APTX: variants seen among roughly 807,000 people sequenced by gnomAD.
The protein encoded by APTX is aprataxin.
In APTX, 33 loss-of-function variants were observed where a neutral mutation model predicts 42.3. The observed-to-expected ratio is 0.78, with a 90% CI of 0.59 to 1.04. The LOEUF (loss-of-function observed/expected upper bound fraction) is 1.04, where lower values mean the gene tolerates loss of function less well. Ranked by LOEUF, APTX falls within the 50% of genes least tolerant of loss-of-function variation. APTX has a pLI of 0.00. For synonymous variants in APTX, 130 were observed against 146.7 expected (o/e 0.89, Z 0.82); for missense variants, 421 against 415.1 (o/e 1.01, Z -0.12).
chr9:33,017,145 G>T (rs1837959375), intron 1 of APTX, among the ~76,000 whole-genome samples: 1 of 152,126 alleles, frequency 6.6e-6, no homozygotes, highest in African/African-American at 2.4e-5. Context: ...ATTCAGTGTG[G>T]ACACTAATTA....
rs900940964 is a variant in APTX, at chr9:32,974,520, G to C, written c.812C>G (p.Pro271Arg). 1 of 1,612,232 alleles carries C rather than the reference G, an allele frequency of 6.2e-7. No homozygotes were observed. The highest frequency in any genetic ancestry group is 8.5e-7 in the Non-Finnish European group (1 of 1,179,406). ...LHVISQDFDS[P>R]CLKNKKHWNS... ...CCAATGTTTTTTGTTTTTAAGGCAAGGAGAATCAAAATCCTGGCTGATCAC... is the reference window on the plus strand; with the variant it reads ...CCAATGTTTTTTGTTTTTAAGGCAACGAGAATCAAAATCCTGGCTGATCAC... The change falls in exon 7 of 8, where the codon CCT (proline) becomes CGT (arginine). Residue 271 changes from proline to arginine, a missense_variant. Pro to Arg is a moderately radical substitution (Grantham distance 103, BLOSUM62 -2). Coordinates refer to ENST00000379817, the MANE Select transcript of APTX (RefSeq NM_001195248.2).
intron 5 of APTX, among the ~76,000 whole-genome samples, chr9:32,985,236 G>A (rs140991234): frequency 1.3e-4 from 20 of 152,158 alleles, no homozygotes; most frequent in Admixed American, 3.3e-4. Flanking sequence ...ACACGTACAC[G>A]TGGGTTCCAG....
At chr9:32,996,952 G>C (rs1421687393) in intron 1 of APTX, among the ~76,000 whole-genome samples, 1 of 152,166 alleles carries the variant, frequency 6.6e-6, no homozygotes, top group Non-Finnish European at 1.5e-5. Flanking sequence ...TACTTACATG[G>C]TCTCATTTTA....
upstream of APTX, among the ~76,000 whole-genome samples, chr9:33,004,422 A>C (rs572892896): frequency 6.6e-6 from 1 of 152,350 alleles, no homozygotes; most frequent in African/African-American, 2.4e-5. Context: ...AAAGCCACTG[A>C]AATTTGTTTT....
intron 1 of APTX, among the ~76,000 whole-genome samples, chr9:33,022,056 G>A (rs1040275264): frequency 6.6e-6 from 1 of 151,634 alleles, no homozygotes; most frequent in Admixed American, 6.6e-5. Context: ...GACTGATGAA[G>A]GGGAAGGTGG....
intron 1 of APTX, among the ~76,000 whole-genome samples, chr9:32,993,014 T>C (rs1833992676): frequency 6.6e-6 from 1 of 152,134 alleles, no homozygotes; most frequent in Non-Finnish European, 1.5e-5. Context: ...AGAAGTGAAA[T>C]ATGTCTTCAC....
intron 1 of APTX, among the ~76,000 whole-genome samples, chr9:33,023,292 C>G (rs1414276292): frequency 1.3e-5 from 2 of 151,888 alleles, no homozygotes; most frequent in Non-Finnish European, 2.9e-5. Flanking sequence ...GGCACCATCT[C>G]TGCTCACTGC....
intron 1 of APTX, among the ~76,000 whole-genome samples, chr9:33,009,211 G>A (rs892735183): frequency 3.3e-5 from 5 of 152,148 alleles, no homozygotes; most frequent in Non-Finnish European, 5.9e-5. Context: ...ATTCAGCAAT[G>A]CTGATCTGTG....
At chr9:32,996,210 C>CT (rs1834883966) in intron 1 of APTX, among the ~76,000 whole-genome samples, 2 of 151,912 alleles carry the variant, frequency 1.3e-5, no homozygotes, top group South Asian at 4.2e-4. Flanking sequence ...ACCCACGTCT[C>CT]TGAGGTATGC....
intron 1 of APTX, among the ~76,000 whole-genome samples, chr9:33,014,165 C>T (rs533142524): frequency 6.6e-6 from 1 of 152,344 alleles, no homozygotes; most frequent in East Asian, 1.9e-4. Context: ...AGCCCTGCCT[C>T]TGCTCTGAGG....
chr9:33,001,749 T>A (rs1214008581), upstream of APTX: 6 of 1,061,242 alleles, frequency 5.7e-6, no homozygotes, highest in Non-Finnish European at 8.4e-6. Context: ...CCCAATTGGG[T>A]TCTCTCTGGG....
chr9:32,988,219 A>G, intron 2 of APTX, 90 bp from the exon 3 acceptor site: 3 of 1,186,092 alleles, frequency 2.5e-6, no homozygotes, highest in Middle Eastern at 3.8e-4. Flanking sequence ...GCTTCACTAC[A>G]GGCGGCAGCT....
intron 1 of APTX, among the ~76,000 whole-genome samples, chr9:32,996,386 C>T (rs1241091070): frequency 2.6e-5 from 4 of 151,996 alleles, no homozygotes; most frequent in Non-Finnish European, 5.9e-5. Context: ...AGTGGTCCTC[C>T]AGCCTCAGCC....
chr9:32,982,895 T>C (rs561719861), intron 6 of APTX, among the ~76,000 whole-genome samples: 23 of 152,300 alleles, frequency 1.5e-4, no homozygotes, highest in Admixed American at 2.0e-4. Flanking sequence ...AGGTACAACA[T>C]ACATCCACCC....
chr9:32,981,155 A>T (rs1028490353), intron 6 of APTX, among the ~76,000 whole-genome samples: 1 of 152,194 alleles, frequency 6.6e-6, no homozygotes, highest in Non-Finnish European at 1.5e-5. Context: ...CAAGTACTGT[A>T]CTCTAGTTAG....
rs73476863 is a variant in APTX at position 33,008,210 on chromosome 9, T to A, written c.-5+16813A>T. ...GAGGAGCTTGGTGAAAAAAATTTCC[T>A]TATTTTTTCTTTATAATTATATATA... On this transcript the variant is annotated intron_variant, in intron 1 of 6. Transcript: ENST00000436040. Among the ~76,000 whole-genome samples, 153 of 151,614 alleles carry A rather than the reference T, an allele frequency of 1.0e-3. 1 individual carries two copies. Among genetic ancestry groups the A allele is most frequent in the African/African-American group, 3.3e-3 (137 of 41,406 alleles).
chr9:33,019,799 T>C (rs921356463), intron 1 of APTX: 2 of 626,642 alleles, frequency 3.2e-6, no homozygotes, highest in Admixed American at 6.1e-5. Flanking sequence ...CAGGCAACAG[T>C]CTTCAGCTTT....
chr9:33,005,238 A>C (rs1334740721), upstream of APTX, among the ~76,000 whole-genome samples: 1 of 152,078 alleles, frequency 6.6e-6, no homozygotes, highest in Non-Finnish European at 1.5e-5. Flanking sequence ...CCCTGGATGC[A>C]CAAAACTTAA....
At chr9:32,983,892 AT>A (rs1831279074) in intron 6 of APTX, among the ~76,000 whole-genome samples, 1 of 152,128 alleles carries the variant, frequency 6.6e-6, no homozygotes, top group Admixed American at 6.5e-5. Flanking sequence ...CAGAGTTTCA[AT>A]TTGGGAAGAG....
Sources: gnomAD v4.1 joint callset for allele counts (sites outside exome capture counted in the v4.1 genomes callset) on GRCh38, gnomAD v4.1.1 for gene constraint, MANE v1.5 for transcripts, NCBI Gene and HGNC (gene_info 2026-07-23, HGNC 2026-07-21) for gene names.